The following TSPAN16 variants were observed in gnomAD, a reference collection of about 807,000 sequenced individuals.
TSPAN16 encodes tetraspanin 16, also known as tetraspanin-16.
TSPAN16 carries 23 observed loss-of-function variants against 25.2 expected under a neutral mutation model. That is an observed-to-expected ratio of 0.91 (90% CI 0.66 to 1.29). TSPAN16 has a LOEUF of 1.29. Ranked by LOEUF, TSPAN16 falls within the 50% of genes most tolerant of loss-of-function variation. The pLI, the probability that TSPAN16 is intolerant of heterozygous loss-of-function variation, is 0.00. For synonymous variants in TSPAN16, 123 were observed against 124.4 expected (o/e 0.99, Z 0.08); for missense variants, 272 against 299.9 (o/e 0.91, Z 0.69).
intron 4 of TSPAN16, among the ~76,000 whole-genome samples, chr19:11,301,785 A>T (rs934233649): frequency 5.3e-5 from 8 of 151,984 alleles, no homozygotes; most frequent in African/African-American, 1.9e-4. Context: ...TGGGTGACAG[A>T]GCAAGACCCT....
At chr19:11,300,906 G>A (rs975807504) in intron 3 of TSPAN16, 9 of 263,754 alleles carry the variant, frequency 3.4e-5, no homozygotes, top group African/African-American at 6.4e-5. Flanking sequence ...CACATCGTGG[G>A]TGCAGCAGGG....
chr19:11,303,855 C>T (rs1293809504), intron 4 of TSPAN16, among the ~76,000 whole-genome samples: 1 of 151,510 alleles, frequency 6.6e-6, no homozygotes, highest in Admixed American at 6.6e-5. Context: ...GCAATCTTGG[C>T]CCACTGCAAC....
chr19:11,299,717 A>G (rs977682737), intron 3 of TSPAN16, among the ~76,000 whole-genome samples: 2 of 152,014 alleles, frequency 1.3e-5, no homozygotes, highest in African/African-American at 4.8e-5. Context: ...GCTCACGCCT[A>G]TAATCCCAGC....
downstream of TSPAN16, among the ~76,000 whole-genome samples, chr19:11,319,457 G>A (rs1056070324): frequency 6.6e-6 from 1 of 152,134 alleles, no homozygotes; most frequent in African/African-American, 2.4e-5. Context: ...AGTTAGCCGG[G>A]CGTGGTGGCA....
chr19:11,320,302 A>G (rs1031599601), downstream of TSPAN16, among the ~76,000 whole-genome samples: 2 of 151,720 alleles, frequency 1.3e-5, no homozygotes, highest in East Asian at 3.9e-4. Flanking sequence ...TTATATTTTT[A>G]GTAGAGATGG....
At chr19:11,319,171 A>G (rs1031017852), downstream of TSPAN16, among the ~76,000 whole-genome samples, 1 of 152,166 alleles carries the variant, frequency 6.6e-6, no homozygotes, top group Non-Finnish European at 1.5e-5. Context: ...CAGGTTACCC[A>G]TATTTCTGTC....
At chr19:11,325,601 G>A (rs2080807902) in intron 6 of TSPAN16, 1 of 1,554,834 alleles carries the variant, frequency 6.4e-7, no homozygotes. Context: ...TGAATGTTAA[G>A]GTGGGGACAC....
intron 5 of TSPAN16, chr19:11,307,925 T>C (rs924389593): frequency 1.3e-5 from 2 of 152,224 alleles, no homozygotes; most frequent in Non-Finnish European, 2.9e-5. Context: ...AGAGTTGGAA[T>C]TTGAAGCCCC....
intron 6 of TSPAN16, chr19:11,324,490 A>G (rs1330418027): frequency 7.3e-6 from 1 of 136,840 alleles, no homozygotes; most frequent in African/African-American, 3.7e-5. Flanking sequence ...TGCTTAAAAC[A>G]CAACCAGCTA....
At chr19:11,301,042 T>C in intron 3 of TSPAN16, 159 bp from the exon 4 acceptor site, 1 of 599,804 alleles carries the variant, frequency 1.7e-6, no homozygotes, top group Admixed American at 2.9e-5. Context: ...GTAGCCTTCG[T>C]GTGTCTTCCT....
At chr19:11,325,370 G>T (rs2080805802) in intron 6 of TSPAN16, 1 of 1,438,972 alleles carries the variant, frequency 6.9e-7, no homozygotes, top group Non-Finnish European at 9.4e-7. Context: ...AGGCAGGAGA[G>T]GGGTGGGTGG....
At chr19:11,322,247 ACT>A (rs2147962897) in intron 6 of TSPAN16, 2 of 152,178 alleles carry the variant, frequency 1.3e-5, no homozygotes, top group African/African-American at 4.8e-5. Context: ...TCCCGTTAAC[ACT>A]GAGACCACAT....
chr19:11,326,286 C>T (rs2080812518), intron 6 of TSPAN16, among the ~76,000 whole-genome samples: 1 of 151,734 alleles, frequency 6.6e-6, no homozygotes, highest in South Asian at 2.1e-4. Context: ...AAGGTTAAGG[C>T]AGGAGAATGG....
Position 11,301,266 on chromosome 19 carries a change from G to A in TSPAN16, c.408G>A (p.Glu136=), listed in dbSNP as rs1322762573. The change falls in exon 4 of 7, where the codon GAG becomes GAA. Residue 136 remains glutamate, a synonymous_variant. Coordinates refer to ENST00000590327, the MANE Select transcript of TSPAN16 (RefSeq NM_001282509.2). ...TLRKNYRGYN[E]PDDYSTQWNL... is the part of the protein sequence containing the mutation. ...GGAAGAATTACAGAGGTTACAACGA[G>A]CCAGACGACTATTCTACACAGTGGA... 6.2e-7 allele frequency: 1 copy of A among 1,613,968 alleles called. No individual in the cohort carries two copies. The highest frequency in any genetic ancestry group is 8.5e-7 in the Non-Finnish European group (1 of 1,179,992).
intron 6 of TSPAN16, chr19:11,325,563 A>G: frequency 6.2e-7 from 1 of 1,612,192 alleles, no homozygotes; most frequent in South Asian, 1.1e-5. Flanking sequence ...TCTCCTTGGC[A>G]CTGGCTTCAA....
chr19:11,320,028 C>T (rs546585757), downstream of TSPAN16, among the ~76,000 whole-genome samples: 16 of 151,576 alleles, frequency 1.1e-4, no homozygotes, highest in African/African-American at 3.9e-4. Context: ...CCGTGTTAGC[C>T]AGGATGATCT....
chr19:11,300,311 G>A (rs2080530363), intron 3 of TSPAN16, among the ~76,000 whole-genome samples: 1 of 152,194 alleles, frequency 6.6e-6, no homozygotes, highest in South Asian at 2.1e-4. Context: ...GGGATGCTGG[G>A]CACAGCATAG....
At position 11,304,141 on chromosome 19, in the gene TSPAN16, C is replaced by T. The variant is rs372558050; in HGVS notation, c.451-2463C>T. Among the ~76,000 whole-genome samples, 28 of 151,648 alleles carry T rather than the reference C, an allele frequency of 1.8e-4. 1 individual carries two copies. The East Asian group carries it at 3.5e-3, about 19-fold the overall frequency. On this transcript the variant is annotated intron_variant, in intron 4 of 6. Transcript: ENST00000590327. ...GAGTGTGAGGTGGTGAGACTCCCAT[C>T]TTGATTCTTGGCATTTAAGGAGCAA...
At position 11,325,337 on chromosome 19, in the gene TSPAN16, C is replaced by T. The variant is rs894150307; in HGVS notation, c.688-1457C>T. 1.3e-5 allele frequency: 15 copies of T among 1,149,410 alleles called. 1 individual carries two copies. The highest frequency in any genetic ancestry group is 6.2e-5 in the African/African-American group (4 of 64,240). 71.2% of individuals were successfully genotyped at this position (1,149,410 alleles called of 1,614,324 possible). A position where few individuals can be genotyped will look rare whatever the true frequency, so the allele number is the denominator to read the frequency against. Reference sequence around the variant, plus strand: ...GCTTGGAGATAACCACTGTGGCTCACGCCTCGATCACAGTCCCTGCCGAGG... The same window carrying T: ...GCTTGGAGATAACCACTGTGGCTCATGCCTCGATCACAGTCCCTGCCGAGG... On this transcript the variant is annotated intron_variant, in intron 6 of 6. Transcript: ENST00000316737.
Sources: allele counts gnomAD v4.1 joint callset (sites outside exome capture counted in the v4.1 genomes callset), GRCh38; gene constraint gnomAD v4.1.1; transcripts MANE v1.5; gene names NCBI Gene and HGNC (gene_info 2026-07-23, HGNC 2026-07-21).